PAX5: variants seen among roughly 807,000 people sequenced by gnomAD.
The protein encoded by PAX5 is paired box protein Pax-5.
PAX5 carries 9 observed loss-of-function variants against 43.7 expected under a neutral mutation model. That is an observed-to-expected ratio of 0.21 (90% CI 0.12 to 0.36). The LOEUF (loss-of-function observed/expected upper bound fraction) is 0.36, where lower values mean the gene tolerates loss of function less well. Ranked by LOEUF, PAX5 falls within the 10% of genes least tolerant of loss-of-function variation. The pLI is 1.00. For synonymous variants in PAX5, 228 were observed against 214.3 expected, an observed-to-expected ratio of 1.06 and a Z score of -0.56; for missense variants, 383 against 532.7, an observed-to-expected ratio of 0.72 and a Z score of 2.77.
chr9:37,019,853 G>A (rs537832808), intron 2 of PAX5, among the ~76,000 whole-genome samples: 24 of 152,272 alleles, frequency 1.6e-4, no homozygotes, highest in African/African-American at 3.9e-4. Context: ...TCCTTTAGGC[G>A]TCATTGCAAC....
intron 5 of PAX5, among the ~76,000 whole-genome samples, chr9:36,983,920 C>T (rs1041566653): frequency 6.6e-6 from 1 of 152,136 alleles, no homozygotes; most frequent in African/African-American, 2.4e-5. Flanking sequence ...TCCAGACCAC[C>T]TTTGAGGGAC....
intron 5 of PAX5, among the ~76,000 whole-genome samples, chr9:36,970,763 C>T (rs952219949): frequency 2.6e-5 from 4 of 152,166 alleles, no homozygotes; most frequent in African/African-American, 9.7e-5. Context: ...GCACACATGT[C>T]TCCTCCTCCA....
At chr9:36,846,791 G>A (rs1270259767) in intron 9 of PAX5, 52 bp downstream of exon 9, 1 of 1,346,042 alleles carries the variant, frequency 7.4e-7, no homozygotes, top group African/African-American at 1.4e-5. Flanking sequence ...AGGAGGCCTG[G>A]ATGGGGTAGC....
intron 5 of PAX5, among the ~76,000 whole-genome samples, chr9:36,983,174 T>C (rs1836086112): frequency 6.6e-6 from 1 of 152,236 alleles, no homozygotes; most frequent in African/African-American, 2.4e-5. Context: ...TCATTTACAC[T>C]AACTTTTCCA....
intron 6 of PAX5, among the ~76,000 whole-genome samples, chr9:36,936,806 G>A (rs919922313): frequency 1.3e-5 from 2 of 151,300 alleles, no homozygotes; most frequent in African/African-American, 2.4e-5. Context: ...GGCCATGTGG[G>A]AACCTGCAGG....
intron 6 of PAX5, chr9:36,930,801 G>A (rs962827733): frequency 2.3e-6 from 3 of 1,288,026 alleles, no homozygotes; most frequent in East Asian, 5.0e-5. Context: ...CAATATGAGA[G>A]GTTCAGGAAT....
chr9:37,001,948 T>C (rs1837905279), intron 5 of PAX5, among the ~76,000 whole-genome samples: 1 of 151,402 alleles, frequency 6.6e-6, no homozygotes, highest in Non-Finnish European at 1.5e-5. Context: ...AGTTAAGGTG[T>C]CCGGTGTCCA....
Position 36,957,738 on chromosome 9 carries a change from C to T in PAX5, c.780+8811G>A, listed in dbSNP as rs554678144. ...GTAATTGGGAAGTCCTGAACAAAAGCGCATCCAGCCTACCATCTCCTTCTT... is the reference window on the plus strand; with the variant it reads ...GTAATTGGGAAGTCCTGAACAAAAGTGCATCCAGCCTACCATCTCCTTCTT... On this transcript the variant is annotated intron_variant, in intron 6 of 9. Transcript: ENST00000358127. Among the ~76,000 whole-genome samples the T allele has an allele frequency of 2.1e-3, 324 of 152,228 alleles. 2 individuals carry two copies. The highest frequency in any genetic ancestry group is 0.01 in the Middle Eastern group (3 of 294).
intron 1 of PAX5, among the ~76,000 whole-genome samples, chr9:37,026,130 G>A (rs1019304227): frequency 6.6e-6 from 1 of 152,252 alleles, no homozygotes; most frequent in African/African-American, 2.4e-5. Flanking sequence ...CAGCCCCATG[G>A]CTGAAAAAGG....
chr9:36,893,122 T>G (rs12683745), intron 7 of PAX5, among the ~76,000 whole-genome samples: 7,404 of 152,296 alleles, frequency 0.049, 207 homozygotes, highest in East Asian at 0.067. Context: ...GAGTTAAAAT[T>G]AATGTTTTCT....
chr9:37,018,909 T>A (rs978856271), intron 2 of PAX5, among the ~76,000 whole-genome samples: 1 of 152,124 alleles, frequency 6.6e-6, no homozygotes, highest in South Asian at 2.1e-4. Context: ...GAGGACCACA[T>A]GTTTGGATGT....
intron 8 of PAX5, among the ~76,000 whole-genome samples, chr9:36,868,346 A>T (rs1825099639): frequency 6.6e-6 from 1 of 152,216 alleles, no homozygotes; most frequent in South Asian, 2.1e-4. Context: ...AGGCAGGGCC[A>T]GGATCTGAGA....
intron 5 of PAX5, among the ~76,000 whole-genome samples, chr9:36,972,268 T>C (rs978639200): frequency 6.6e-6 from 1 of 152,164 alleles, no homozygotes; most frequent in Non-Finnish European, 1.5e-5. Flanking sequence ...CTCCTTAGCA[T>C]GGCAGGGCCG....
chr9:37,006,248 G>A (rs1838379346), intron 4 of PAX5, among the ~76,000 whole-genome samples: 1 of 151,678 alleles, frequency 6.6e-6, no homozygotes, highest in Admixed American at 6.6e-5. Flanking sequence ...TCTGTCTCAT[G>A]GTGAAAGCTA....
rs138142283 is a variant in PAX5 at position 36,868,544 on chromosome 9, G to T, written c.1012+13460C>A. On this transcript the variant is annotated intron_variant, in intron 8 of 9. Transcript: ENST00000358127. The stretch of plus-strand genomic sequence containing the variant: ...CATGTGTCAAACACAGACAGGTGAG[G>T]ATGGGGAGGGAGAAAGGAATATACC... Among the ~76,000 whole-genome samples, 894 of 152,318 alleles carry T rather than the reference G, an allele frequency of 5.9e-3. 17 individuals carry two copies. The highest frequency in any genetic ancestry group is 0.035 in the Admixed American group (532 of 15,302).
At chr9:37,008,603 T>C (rs1265705839) in intron 3 of PAX5, among the ~76,000 whole-genome samples, 1 of 152,214 alleles carries the variant, frequency 6.6e-6, no homozygotes, top group Non-Finnish European at 1.5e-5. Flanking sequence ...CCTCAGCTGA[T>C]AGCCTGAAAT....
At chr9:36,928,226 G>A (rs964376338) in intron 6 of PAX5, among the ~76,000 whole-genome samples, 1 of 152,160 alleles carries the variant, frequency 6.6e-6, no homozygotes, top group Non-Finnish European at 1.5e-5. Flanking sequence ...CCAATCTCTT[G>A]GGTTCCCTGG....
In PAX5 at chr9:36,835,731, TGGCTG is replaced by T. The variant is rs1328905854; in HGVS notation, c.*4824_*4828del. ...TAGTTTCCCCAGGAGAGCTGGTGTG[TGGCTG>T]GGAACCATCAGAGCAGCCTCTCGAT... On this transcript the variant is annotated 3_prime_UTR_variant, in exon 10 of 10. Transcript: ENST00000358127. 4.3e-6 allele frequency: 1 copy of T among 233,258 alleles called. No homozygotes were observed. Among genetic ancestry groups the T allele is most frequent in the Non-Finnish European group, 8.5e-6 (1 of 118,042 alleles). The allele number at this position is 233,258 out of a possible 1,614,324, so 14.4% of individuals were successfully genotyped here. A position where few individuals can be genotyped will look rare whatever the true frequency, so the allele number is the denominator to read the frequency against.
intron 6 of PAX5, among the ~76,000 whole-genome samples, chr9:36,932,252 G>A (rs1172909726): frequency 1.3e-5 from 2 of 152,144 alleles, no homozygotes; most frequent in East Asian, 1.9e-4. Flanking sequence ...CAGTCTGGGC[G>A]ACCTTGTCTC....
Sources: gnomAD v4.1 joint callset for allele counts (sites outside exome capture counted in the v4.1 genomes callset) on GRCh38, gnomAD v4.1.1 for gene constraint, MANE v1.5 for transcripts, NCBI Gene and HGNC (gene_info 2026-07-23, HGNC 2026-07-21) for gene names.